RCN2: variants seen among roughly 807,000 people sequenced by gnomAD.
The protein encoded by RCN2 is reticulocalbin 2.
Under a neutral mutation model 37.5 loss-of-function variants are expected in RCN2, and 23 were observed. The ratio of observed to expected loss-of-function variants is 0.61; its 90% CI spans 0.44 to 0.87. The LOEUF (loss-of-function observed/expected upper bound fraction) is 0.87, where lower values mean the gene tolerates loss of function less well. Ranked by LOEUF, RCN2 falls within the 40% of genes least tolerant of loss-of-function variation. RCN2 has a pLI of 0.00. For missense variants in RCN2, 381 were observed against 390.4 expected, an observed-to-expected ratio of 0.98 and a Z score of 0.20; for synonymous variants, 140 against 144.6, an observed-to-expected ratio of 0.97 and a Z score of 0.23.
intron 4 of RCN2, among the ~76,000 whole-genome samples, chr15:76,944,708 ATC>A (rs1335004708): frequency 6.6e-6 from 1 of 152,028 alleles, no homozygotes; most frequent in Non-Finnish European, 1.5e-5. Context: ...TTGTTGCAGG[ATC>A]TCTTTCTTTT....
intron 3 of RCN2, among the ~76,000 whole-genome samples, chr15:76,940,842 G>A (rs1452524678): frequency 1.3e-5 from 2 of 151,774 alleles, no homozygotes; most frequent in African/African-American, 2.4e-5. Context: ...GATTACATGC[G>A]TGAACCACCA....
chr15:76,948,298 C>A, intron 5 of RCN2, 112 bp from the exon 6 acceptor site: 1 of 651,110 alleles, frequency 1.5e-6, no homozygotes, highest in Non-Finnish European at 2.4e-6. Context: ...TTTTATTGGG[C>A]TTTCTTTAGT....
intron 4 of RCN2, among the ~76,000 whole-genome samples, chr15:76,945,147 G>T (rs1372042134): frequency 6.6e-6 from 1 of 152,192 alleles, no homozygotes. Context: ...GTTGCTTATT[G>T]GGAGGGAGAA....
rs1434626520 is a variant in RCN2, at chr15:76,953,531, G to A, written c.*4309G>A. On this transcript the variant is annotated 3_prime_UTR_variant, in exon 7 of 7. Transcript: ENST00000394885. ...TGGATATATATTATACATAGAAGTGGGATTGCTGGATCATATAGTAATTCT... is the reference window on the plus strand; with the variant it reads ...TGGATATATATTATACATAGAAGTGAGATTGCTGGATCATATAGTAATTCT... 3 of 112,512 alleles carry A rather than the reference G, an allele frequency of 2.7e-5. No homozygotes were observed. The highest frequency in any genetic ancestry group is 5.1e-5 in the Non-Finnish European group (3 of 58,646). The allele number at this position is 112,512 out of a possible 1,614,324, so 7.0% of individuals were successfully genotyped here.
At position 76,949,230 on chromosome 15, in the gene RCN2, G is replaced by T. The variant is rs780753720; in HGVS notation, c.*8G>T. 6.3e-6 allele frequency: 10 copies of T among 1,588,008 alleles called. No homozygotes were observed. The African/African-American group carries it at 1.4e-4, about 22-fold the overall frequency. ...TATCATGATGAGCTTTAATCTCTGA[G>T]CCTGTCTCAGTAGAGTACTGGCTCC... On this transcript the variant is annotated 3_prime_UTR_variant, in exon 7 of 7. Coordinates refer to ENST00000394885, the MANE Select transcript of RCN2 (RefSeq NM_002902.3).
At chr15:76,937,845 C>T (rs1009239911) in intron 3 of RCN2, among the ~76,000 whole-genome samples, 4 of 152,130 alleles carry the variant, frequency 2.6e-5, no homozygotes, top group African/African-American at 9.7e-5. Flanking sequence ...CTTTTTAACA[C>T]TTCTAGGAAG....
chr15:76,954,144 C>T lies in RCN2; in HGVS notation c.*4922C>T, dbSNP rs1463869090. 1 of 150,494 alleles carries T rather than the reference C, an allele frequency of 6.6e-6. No homozygotes were observed. Among genetic ancestry groups the T allele is most frequent in the East Asian group, 2.0e-4 (1 of 5,058 alleles). 9.3% of individuals were successfully genotyped at this position (150,494 alleles called of 1,614,324 possible). A position where few individuals can be genotyped will look rare whatever the true frequency, so the allele number is the denominator to read the frequency against. The stretch of plus-strand genomic sequence containing the variant: ...GCATTTCCCTAATGGTCTGTCTCTA[C>T]AGTTTTGCCTGTTCCAGAATATCAT... On this transcript the variant is annotated 3_prime_UTR_variant, in exon 7 of 7. Coordinates refer to ENST00000394885, the MANE Select transcript of RCN2 (RefSeq NM_002902.3).
At chr15:76,948,889 A>G (rs1195475169) in intron 6 of RCN2, 181 bp from the exon 7 acceptor site, 3 of 629,238 alleles carry the variant, frequency 4.8e-6, no homozygotes, top group Non-Finnish European at 8.1e-6. Flanking sequence ...AGAAATGAAG[A>G]AAGGAGATAA....
In RCN2 at chr15:76,951,573, G is replaced by A. The variant is rs973894477; in HGVS notation, c.*2351G>A. On this transcript the variant is annotated 3_prime_UTR_variant, in exon 7 of 7. Coordinates refer to ENST00000394885, the MANE Select transcript of RCN2 (RefSeq NM_002902.3). ...ACATTTAACAATAGGCTTTTAATAAGCATGCAGAGAAAAAGAATCATCTGC... is the reference window on the plus strand; with the variant it reads ...ACATTTAACAATAGGCTTTTAATAAACATGCAGAGAAAAAGAATCATCTGC... The A allele has an allele frequency of 6.6e-6, 1 of 152,146 alleles. No homozygotes were observed. The highest frequency in any genetic ancestry group is 6.5e-5 in the Admixed American group (1 of 15,276). 9.4% of individuals were successfully genotyped at this position (152,146 alleles called of 1,614,324 possible).
intron 5 of RCN2, 59 bp downstream of exon 5, chr15:76,947,576 C>A: frequency 1.9e-6 from 2 of 1,066,990 alleles, no homozygotes; most frequent in Non-Finnish European, 2.9e-6. Context: ...CATTGAAAGA[C>A]AGCCTTGCTC....
chr15:76,939,677 T>C (rs757017695), intron 3 of RCN2, among the ~76,000 whole-genome samples: 7 of 152,196 alleles, frequency 4.6e-5, no homozygotes, highest in South Asian at 2.1e-4. Context: ...ATGTAACTTA[T>C]CTAAAACCAA....
intron 4 of RCN2, among the ~76,000 whole-genome samples, chr15:76,946,883 C>T (rs969745963): frequency 6.6e-6 from 1 of 151,986 alleles, no homozygotes; most frequent in African/African-American, 2.4e-5. Context: ...GATTTGGGGG[C>T]AGTTTGGGAT....
Position 76,948,545 on chromosome 15 carries a change from A to G in RCN2, c.794A>G (p.Gln265Arg), listed in dbSNP as rs1460522302. The G allele has an allele frequency of 1.9e-6, 3 of 1,568,158 alleles. No individual in the cohort carries two copies. The African/African-American group carries it at 4.1e-5, about 21-fold the overall frequency. The change falls in exon 6 of 7, where the codon CAA becomes CGA. Residue 265 changes from glutamine (Q) to arginine (R), a missense_variant. Coordinates refer to ENST00000394885, the MANE Select transcript of RCN2 (RefSeq NM_002902.3). The part of the protein sequence containing the change: ...WVVPNNQGIA[Q>R]EEALHLIDEM... ...GTACCTAATAATCAGGGCATTGCAC[A>G]AGAGGAGGTAAGTGTTACAGAACAA...
chr15:76,941,473 C>T, intron 3 of RCN2: 1 of 425,610 alleles, frequency 2.3e-6, no homozygotes, highest in African/African-American at 2.0e-5. Context: ...TTTTGTTCCT[C>T]ACAAGTTTCT....
Position 76,943,984 on chromosome 15 carries a change from CTTTTTTTTTTT to C in RCN2, c.561+129_561+139del, listed in dbSNP as rs11361216. ...ATATATGTTTATGGGATACATGAGA[CTTTTTTTTTTT>C]TTTTTTTTTTTTTTTGAGACGGAGT... On this transcript the variant is annotated intron_variant, in intron 4 of 6. Transcript: ENST00000394885. 246 of 96,424 alleles carry C rather than the reference CTTTTTTTTTTT, an allele frequency of 2.6e-3. 2 individuals are homozygous for C. The highest frequency in any genetic ancestry group is 0.011 in the African/African-American group (206 of 19,460). The allele number at this position is 96,424 out of a possible 1,614,324, so 6.0% of individuals were successfully genotyped here. A position where few individuals can be genotyped will look rare whatever the true frequency, so the allele number is the denominator to read the frequency against.
chr15:76,935,248 G>C (rs961310738), intron 2 of RCN2, among the ~76,000 whole-genome samples: 1 of 152,078 alleles, frequency 6.6e-6, no homozygotes, highest in Non-Finnish European at 1.5e-5. Flanking sequence ...CGTTTGAACC[G>C]GGAGGCAGAG....
chr15:76,940,143 A>G (rs993029136), intron 3 of RCN2, among the ~76,000 whole-genome samples: 1 of 151,852 alleles, frequency 6.6e-6, no homozygotes, highest in East Asian at 1.9e-4. Context: ...ATATGTCTCT[A>G]TCTTCATGAA....
chr15:76,942,589 A>G (rs1033824110), intron 3 of RCN2: 1 of 152,192 alleles, frequency 6.6e-6, no homozygotes, highest in African/African-American at 2.4e-5. Flanking sequence ...ATCCATTTAA[A>G]CTTTTGATGT....
chr15:76,937,031 C>T (rs969124746), intron 3 of RCN2, among the ~76,000 whole-genome samples: 7 of 152,186 alleles, frequency 4.6e-5, no homozygotes, highest in African/African-American at 1.7e-4. Context: ...TAGAATCATA[C>T]GCCGTATTTG....
Sources: allele counts gnomAD v4.1 joint callset (sites outside exome capture counted in the v4.1 genomes callset), GRCh38; gene constraint gnomAD v4.1.1; transcripts MANE v1.5; gene names NCBI Gene and HGNC (gene_info 2026-07-23, HGNC 2026-07-21).